The following FHIT variants were observed in gnomAD, a reference collection of about 807,000 sequenced individuals.
FHIT encodes the protein bis(5'-adenosyl)-triphosphatase.
FHIT carries 19 observed loss-of-function variants against 17.9 expected under a neutral mutation model. The observed-to-expected ratio is 1.06, with a 90% CI of 0.74 to 1.56. The LOEUF is 1.56. FHIT is among the 40% of genes most tolerant of loss of function. The pLI, the probability that FHIT is intolerant of heterozygous loss-of-function variation, is 0.00. For missense variants in FHIT, 248 were observed against 189.2 expected (o/e 1.31, Z -1.82); for synonymous variants, 81 against 69.7 (o/e 1.16, Z -0.81).
rs77155515 is a variant in FHIT, at chr3:60,557,032, T to C, written c.-17-20053A>G. ...AAAACTTGTGCAGTAACATTTAAAA[T>C]TGGCATTTGTTAACCATACTAATAA... On this transcript the variant is annotated intron_variant, in intron 4 of 9. Coordinates refer to ENST00000492590, the MANE Select transcript of FHIT (RefSeq NM_002012.4). Among the ~76,000 whole-genome samples, 1,412 of 152,318 alleles carry C rather than the reference T, an allele frequency of 9.3e-3. 37 individuals carry two copies. Among genetic ancestry groups the C allele is most frequent in the African/African-American group, 0.032 (1,337 of 41,560 alleles).
chr3:60,373,799 T>C (rs1700434410), intron 5 of FHIT, among the ~76,000 whole-genome samples: 3 of 152,154 alleles, frequency 2.0e-5, no homozygotes, highest in Admixed American at 6.5e-5. Flanking sequence ...CTCCTATTCC[T>C]ATTTCAAACT....
At position 60,910,636 on chromosome 3, in the gene FHIT, T is replaced by C. The variant is rs191216306; in HGVS notation, c.-110-88625A>G. 3.3e-5 allele frequency among the ~76,000 whole-genome samples: 5 copies of C among 152,178 alleles called. No individual in the cohort carries two copies. In the East Asian group the frequency reaches 9.7e-4, roughly 29 times the overall value. ...ACCGTGTTAGCCAGGATGGACTCCA[T>C]CTCCTGACCTCATGATCCGCCGGCC... is the stretch of plus-strand genomic sequence containing the variant. On this transcript the variant is annotated intron_variant, in intron 3 of 9. Transcript: ENST00000492590.
At chr3:60,439,788 A>C (rs559692049) in intron 5 of FHIT, among the ~76,000 whole-genome samples, 1 of 152,226 alleles carries the variant, frequency 6.6e-6, no homozygotes, top group South Asian at 2.1e-4. Context: ...GAACGGAAGG[A>C]ATATTCCAGA....
chr3:60,846,838 C>A (rs1267143824), intron 3 of FHIT, among the ~76,000 whole-genome samples: 1 of 144,218 alleles, frequency 6.9e-6, no homozygotes, highest in Non-Finnish European at 1.5e-5. Context: ...TTTTTTTTTT[C>A]TTTGAGATGG....
At chr3:59,975,211 C>T (rs938245827) in intron 7 of FHIT, among the ~76,000 whole-genome samples, 2 of 152,048 alleles carry the variant, frequency 1.3e-5, no homozygotes, top group African/African-American at 2.4e-5. Flanking sequence ...CTGTTCCTTT[C>T]GCTTTCCATG....
At chr3:61,140,175 T>C (rs1011130805) in intron 2 of FHIT, among the ~76,000 whole-genome samples, 2 of 152,320 alleles carry the variant, frequency 1.3e-5, no homozygotes, top group South Asian at 2.1e-4. Context: ...TCTGAACTTA[T>C]TCAGTCTTCC....
intron 5 of FHIT, among the ~76,000 whole-genome samples, chr3:60,212,949 C>G (rs1253217489): frequency 6.6e-6 from 1 of 152,162 alleles, no homozygotes; most frequent in African/African-American, 2.4e-5. Context: ...CAGAAGCCAT[C>G]AGCCTAGTGC....
At chr3:60,799,582 T>A (rs1490063088) in intron 4 of FHIT, among the ~76,000 whole-genome samples, 1 of 152,240 alleles carries the variant, frequency 6.6e-6, no homozygotes, top group Non-Finnish European at 1.5e-5. Flanking sequence ...TGGCCTTTTA[T>A]TGTACTTCTA....
intron 4 of FHIT, among the ~76,000 whole-genome samples, chr3:60,722,805 C>A (rs564976434): frequency 8.6e-5 from 13 of 150,690 alleles, no homozygotes; most frequent in Non-Finnish European, 1.3e-4. Context: ...TCATTGCCAC[C>A]TCTGCTTCCA....
chr3:61,132,373 T>C (rs1421840473), intron 2 of FHIT, among the ~76,000 whole-genome samples: 5 of 152,200 alleles, frequency 3.3e-5, no homozygotes, highest in African/African-American at 1.2e-4. Context: ...CAATTACAAA[T>C]ATTTACTGAA....
intron 5 of FHIT, among the ~76,000 whole-genome samples, chr3:60,093,703 T>A (rs1473081053): frequency 6.6e-6 from 1 of 152,202 alleles, no homozygotes; most frequent in Non-Finnish European, 1.5e-5. Context: ...AGAACCCTAC[T>A]ATGAACTGCA....
intron 8 of FHIT, among the ~76,000 whole-genome samples, chr3:59,787,676 C>T (rs1393049140): frequency 6.6e-6 from 1 of 152,084 alleles, no homozygotes; most frequent in African/African-American, 2.4e-5. Context: ...TTACTACATG[C>T]CAGGAATCAA....
chr3:61,164,861 A>C (rs2037791608), intron 2 of FHIT, among the ~76,000 whole-genome samples: 1 of 152,140 alleles, frequency 6.6e-6, no homozygotes, highest in Non-Finnish European at 1.5e-5. Flanking sequence ...TGAGTACCCA[A>C]CATTTAGCTC....
intron 5 of FHIT, among the ~76,000 whole-genome samples, chr3:60,199,678 T>C (rs991931506): frequency 4.6e-5 from 7 of 152,166 alleles, no homozygotes; most frequent in Non-Finnish European, 1.0e-4. Context: ...TATGTTTTTA[T>C]CCTGAGATAT....
chr3:60,770,951 CAAAG>C (rs782135424), intron 4 of FHIT, among the ~76,000 whole-genome samples: 29 of 152,192 alleles, frequency 1.9e-4, no homozygotes, highest in Non-Finnish European at 3.7e-4. Context: ...AATACCCAGG[CAAAG>C]ATTGTTTTAA....
intron 5 of FHIT, among the ~76,000 whole-genome samples, chr3:60,173,284 G>A (rs1205563018): frequency 2.0e-5 from 3 of 152,142 alleles, no homozygotes; most frequent in Admixed American, 6.5e-5. Context: ...GCACACCTGG[G>A]AAGAAGGCAA....
chr3:61,204,154 T>C (rs371958241), intron 1 of FHIT, among the ~76,000 whole-genome samples: 1 of 152,186 alleles, frequency 6.6e-6, no homozygotes, highest in Non-Finnish European at 1.5e-5. Context: ...AAATACTGTG[T>C]TGTTTTTGAA....
At chr3:59,841,490 C>T (rs944631988) in intron 8 of FHIT, among the ~76,000 whole-genome samples, 3 of 152,294 alleles carry the variant, frequency 2.0e-5, no homozygotes, top group African/African-American at 7.2e-5. Flanking sequence ...TTCCATTCAT[C>T]ACGGAACAAT....
At chr3:60,716,745 A>G (rs548839568) in intron 4 of FHIT, among the ~76,000 whole-genome samples, 57 of 152,350 alleles carry the variant, frequency 3.7e-4, no homozygotes, top group African/African-American at 1.3e-3. Flanking sequence ...TATGTGCTAT[A>G]CAGCTGGCAG....
Sources: allele counts gnomAD v4.1 joint callset (sites outside exome capture counted in the v4.1 genomes callset), GRCh38; gene constraint gnomAD v4.1.1; transcripts MANE v1.5; gene names NCBI Gene and HGNC (gene_info 2026-07-23, HGNC 2026-07-21).